Variants in NDUFAF5 observed in about 807,000 individuals in gnomAD.
The protein encoded by NDUFAF5 is NADH:ubiquinone oxidoreductase complex assembly factor 5, also known as arginine-hydroxylase NDUFAF5, mitochondrial.
NDUFAF5 carries 34 observed loss-of-function variants against 48.9 expected under a neutral mutation model. The observed-to-expected ratio is 0.70, with a 90% CI of 0.53 to 0.93. The LOEUF is 0.93. NDUFAF5 is among the 40% of genes least tolerant of loss of function. The pLI, the probability that NDUFAF5 is intolerant of heterozygous loss-of-function variation, is 0.00. For synonymous variants in NDUFAF5, 153 were observed against 150.6 expected, an observed-to-expected ratio of 1.02 and a Z score of -0.12; for missense variants, 428 against 427.5, an observed-to-expected ratio of 1.00 and a Z score of -0.01.
rs1239020220 is a variant in NDUFAF5, at chr20:13,819,486, C to T, written c.*2276C>T. ...TGGGTTCAAGTGATTCTTCCTGCCT[C>T]AGCTTCCCAAGTAGCTGGGATTACA... On this transcript the variant is annotated 3_prime_UTR_variant, in exon 11 of 11. Transcript: ENST00000378106. 1 of 152,266 alleles carries T rather than the reference C, an allele frequency of 6.6e-6. No homozygotes were observed. The highest frequency in any genetic ancestry group is 2.4e-5 in the African/African-American group (1 of 41,462). The allele number at this position is 152,266 out of a possible 1,614,324, so 9.4% of individuals were successfully genotyped here.
At chr20:13,791,484 C>T (rs949261471) in intron 3 of NDUFAF5, among the ~76,000 whole-genome samples, 1 of 152,152 alleles carries the variant, frequency 6.6e-6, no homozygotes, top group Non-Finnish European at 1.5e-5. Context: ...TAGGTAAACT[C>T]TCTGAGGCAA....
intron 7 of NDUFAF5, among the ~76,000 whole-genome samples, chr20:13,804,206 T>A (rs1984657038): frequency 6.6e-6 from 1 of 152,224 alleles, no homozygotes; most frequent in Admixed American, 6.5e-5. Flanking sequence ...TTCAAGTTTC[T>A]TGTTACACCA....
Position 13,785,120 on chromosome 20 carries a change from A to G in NDUFAF5, c.52A>G (p.Arg18Gly). 6.2e-7 allele frequency: 1 copy of G among 1,613,772 alleles called. No homozygotes were observed. ...CTTATGTCGGCGACCTTGGGCGGCG[A>G]GGGTCCCAGCGGAGAATCTTGGCCG... ...WRLCRRPWAA[R>G]VPAENLGRRE... The change falls in exon 1 of 11, where the codon AGG becomes GGG. Residue 18 changes from arginine (R) to glycine (G), a missense_variant. Transcript: ENST00000378106.
chr20:13,791,576 G>A (rs1982286823), intron 3 of NDUFAF5, among the ~76,000 whole-genome samples: 1 of 152,196 alleles, frequency 6.6e-6, no homozygotes. Context: ...GGAATAGTAA[G>A]ATGGAAAGTG....
At chr20:13,793,490 C>T (rs1982673926) in intron 4 of NDUFAF5, among the ~76,000 whole-genome samples, 1 of 152,120 alleles carries the variant, frequency 6.6e-6, no homozygotes. Context: ...TGTGTATGAA[C>T]ATTACTATGC....
In NDUFAF5 at chr20:13,818,982, G is replaced by C. The variant is rs987004197; in HGVS notation, c.*1772G>C. ...AACGGAATTATATGTGGATGGTGGG[G>C]TGGAGCTAAGGATTACTCTACTCTG... On this transcript the variant is annotated 3_prime_UTR_variant, in exon 11 of 11. Coordinates refer to ENST00000378106, the MANE Select transcript of NDUFAF5 (RefSeq NM_024120.5). The C allele has an allele frequency of 2.6e-5, 4 of 152,286 alleles. No homozygotes were observed. The highest frequency in any genetic ancestry group is 2.0e-4 in the Admixed American group (3 of 15,292). The allele number at this position is 152,286 out of a possible 1,614,324, so 9.4% of individuals were successfully genotyped here.
chr20:13,802,250 C>T (rs561657632), intron 7 of NDUFAF5, among the ~76,000 whole-genome samples: 2 of 152,250 alleles, frequency 1.3e-5, no homozygotes, highest in African/African-American at 4.8e-5. Flanking sequence ...CAGCATGGTA[C>T]GGTGACGGGG....
At position 13,819,433 on chromosome 20, in the gene NDUFAF5, A is replaced by G. The variant is rs1038731677; in HGVS notation, c.*2223A>G. ...CTCCAGGCTGGAGTACAGTGGCGCA[A>G]TCTCGGCTCACTGCTGCCTCCGCTT... is the stretch of plus-strand genomic sequence containing the variant. On this transcript the variant is annotated 3_prime_UTR_variant, in exon 11 of 11. Transcript: ENST00000378106. 11 of 152,284 alleles carry G rather than the reference A, an allele frequency of 7.2e-5. No homozygotes were observed. Among genetic ancestry groups the G allele is most frequent in the African/African-American group, 1.9e-4 (8 of 41,564 alleles). The allele number at this position is 152,284 out of a possible 1,614,324, so 9.4% of individuals were successfully genotyped here.
intron 4 of NDUFAF5, among the ~76,000 whole-genome samples, chr20:13,794,565 C>G (rs1317647433): frequency 6.6e-6 from 1 of 152,230 alleles, no homozygotes; most frequent in East Asian, 1.9e-4. Flanking sequence ...AGGCGTGAGC[C>G]ACCACGCCCA....
chr20:13,787,279 C>T (rs1281512744), intron 1 of NDUFAF5, 33 bp from the exon 2 acceptor site: 1 of 1,612,140 alleles, frequency 6.2e-7, no homozygotes, highest in Admixed American at 1.7e-5. Context: ...AGTGTTACTT[C>T]CCCGTTAACC....
Position 13,816,893 on chromosome 20 carries a change from A to G in NDUFAF5, c.881A>G (p.Asp294Gly), listed in dbSNP as rs1225051651. 1 of 1,608,456 alleles carries G rather than the reference A, an allele frequency of 6.2e-7. No individual in the cohort carries two copies. ...TTTTTAGAAATGTACAGAAATGAAG[A>G]TGGTTCAGTACCTGCTACATACCAG... ...AVYREMYRNE[D>G]GSVPATYQIY... The change falls in exon 10 of 11, where the codon GAT becomes GGT. Residue 294 changes from aspartate (D) to glycine (G), a missense_variant. By Grantham distance (94) the Asp-to-Gly change is moderately conservative. Transcript: ENST00000378106.
chr20:13,802,257 G>A (rs112467122), intron 7 of NDUFAF5, among the ~76,000 whole-genome samples: 1 of 152,148 alleles, frequency 6.6e-6, no homozygotes, highest in Non-Finnish European at 1.5e-5. Flanking sequence ...GTACGGTGAC[G>A]GGGTAGGACA....
chr20:13,807,469 C>G (rs556619849), intron 7 of NDUFAF5, among the ~76,000 whole-genome samples: 1 of 151,976 alleles, frequency 6.6e-6, no homozygotes, highest in East Asian at 1.9e-4. Context: ...TTTAAACTTA[C>G]TTATATAATA....
At chr20:13,812,077 G>T (rs1043190713) in intron 8 of NDUFAF5, among the ~76,000 whole-genome samples, 3 of 152,202 alleles carry the variant, frequency 2.0e-5, no homozygotes, top group African/African-American at 7.2e-5. Flanking sequence ...TACCTGTCAA[G>T]TGGCAGAATT....
intron 8 of NDUFAF5, among the ~76,000 whole-genome samples, chr20:13,810,860 A>G (rs146644205): frequency 6.6e-4 from 101 of 152,248 alleles, no homozygotes; most frequent in Middle Eastern, 3.4e-3. Context: ...TGAAAACAAG[A>G]AGTTCCCATC....
intron 4 of NDUFAF5, among the ~76,000 whole-genome samples, chr20:13,793,823 TAGAA>T (rs1460123818): frequency 6.6e-6 from 1 of 152,240 alleles, no homozygotes; most frequent in Non-Finnish European, 1.5e-5. Context: ...AGACTGCCCT[TAGAA>T]AGACTGAACA....
In NDUFAF5 at chr20:13,794,822, G is replaced by T. The variant is rs545505753; in HGVS notation, c.376-16G>T. 1 of 1,467,152 alleles carries T rather than the reference G, an allele frequency of 6.8e-7. No homozygotes were observed. The highest frequency in any genetic ancestry group is 9.5e-7 in the Non-Finnish European group (1 of 1,047,304). 90.9% of individuals were successfully genotyped at this position (1,467,152 alleles called of 1,614,324 possible). A position where few individuals can be genotyped will look rare whatever the true frequency, so the allele number is the denominator to read the frequency against. On this transcript the variant is annotated splice_polypyrimidine_tract_variant and intron_variant, in intron 4 of 10. Coordinates refer to ENST00000378106, the MANE Select transcript of NDUFAF5 (RefSeq NM_024120.5). ...TACATAAATGTGATTTTGATCTTTC[G>T]TTTTCTTAACATTAGAAAAATTCCT...
intron 3 of NDUFAF5, among the ~76,000 whole-genome samples, chr20:13,789,189 G>C (rs893993850): frequency 1.3e-5 from 2 of 152,048 alleles, no homozygotes; most frequent in Non-Finnish European, 2.9e-5. Context: ...TTCTGAGATG[G>C]AGTCTCACTC....
intron 4 of NDUFAF5, among the ~76,000 whole-genome samples, chr20:13,794,245 G>A (rs946711219): frequency 2.6e-5 from 4 of 151,026 alleles, no homozygotes; most frequent in Non-Finnish European, 5.9e-5. Context: ...TTTTCATCTA[G>A]TACTTCGGTT....
Sources: allele counts gnomAD v4.1 joint callset (sites outside exome capture counted in the v4.1 genomes callset), GRCh38; gene constraint gnomAD v4.1.1; transcripts MANE v1.5; gene names NCBI Gene and HGNC (gene_info 2026-07-23, HGNC 2026-07-21).